FER1L5: variants seen among roughly 807,000 people sequenced by gnomAD.
FER1L5 encodes fer-1-like protein 5.
A neutral mutation model predicts 279.9 loss-of-function variants in FER1L5; 187 were observed. The ratio of observed to expected loss-of-function variants is 0.67; its 90% CI spans 0.59 to 0.75. The LOEUF (loss-of-function observed/expected upper bound fraction) is 0.75, where lower values mean the gene tolerates loss of function less well. Among genes scored for constraint, FER1L5 ranks in the 30% least tolerant of loss-of-function variants. FER1L5 has a pLI of 0.00. For missense variants in FER1L5, 2,091 were observed against 2,594.4 expected (o/e 0.81, Z 4.21); for synonymous variants, 921 against 989.7 (o/e 0.93, Z 1.30).
intron 21 of FER1L5, 108 bp from the exon 22 acceptor site, chr2:96,685,832 G>A (rs2076902752): frequency 1.5e-6 from 2 of 1,340,758 alleles, no homozygotes; most frequent in Admixed American, 2.9e-5. Flanking sequence ...GCAGATGGGG[G>A]CAGGATCTTG....
At chr2:96,661,905 G>A (rs2075968086) in intron 12 of FER1L5, 114 bp downstream of exon 12, 2 of 1,414,488 alleles carry the variant, frequency 1.4e-6, no homozygotes, top group African/African-American at 1.4e-5. Flanking sequence ...GTTTGGGGTA[G>A]GGGGGACAGG....
Position 96,702,161 on chromosome 2 carries a change from G to C in FER1L5, c.5159+118G>C, listed in dbSNP as rs1437204212. ...AATTCGTTTCTCTATTGGGAAGAGA[G>C]GAAGCTCTACTGGGAGCTTTCTTCC... On this transcript the variant is annotated intron_variant, in intron 46 of 52. Transcript: ENST00000624922. This position sits in a 1 kb window ranked among gnomAD's most constrained non-coding sequence, Gnocchi z 4.0. 6 of 1,568,902 alleles carry C rather than the reference G, an allele frequency of 3.8e-6. No homozygotes were observed. The highest frequency in any genetic ancestry group is 1.4e-5 in the African/African-American group (1 of 73,268).
intron 9 of FER1L5, among the ~76,000 whole-genome samples, chr2:96,658,037 G>A (rs2075667795): frequency 6.7e-6 from 1 of 149,540 alleles, no homozygotes; most frequent in African/African-American, 2.5e-5. Flanking sequence ...TTTTTTTTGA[G>A]ATGGAGTCTT....
Position 96,686,235 on chromosome 2 carries a change from C to T in FER1L5, c.2114C>T (p.Ala705Val), listed in dbSNP as rs1194368535. 1 of 1,551,414 alleles carries T rather than the reference C, an allele frequency of 6.4e-7. No homozygotes were observed. Among genetic ancestry groups the T allele is most frequent in the Admixed American group, 2.0e-5 (1 of 51,010 alleles). The change falls in exon 23 of 53, where the codon GCC (alanine) becomes GTC (valine). Residue 705 changes from alanine (A) to valine (V), a missense_variant. Ala to Val is a moderately conservative substitution (Grantham distance 64). Coordinates refer to ENST00000624922, the MANE Select transcript of FER1L5 (RefSeq NM_001293083.2). ...GLPDVMIWLV[A>V]KEQRVAYAQV... ...CCTGACGTGATGATTTGGCTGGTGG[C>T]CAAGGAGCAGCGAGTGGCCTATGCA...
Position 96,654,449 on chromosome 2 carries a change from G to C in FER1L5, c.700G>C (p.Val234Leu). 1 of 399,070 alleles carries C rather than the reference G, an allele frequency of 2.5e-6. No individual in the cohort carries two copies. Among genetic ancestry groups the C allele is most frequent in the Non-Finnish European group, 4.4e-6 (1 of 226,086 alleles). 24.7% of individuals were successfully genotyped at this position (399,070 alleles called of 1,614,324 possible). A position where few individuals can be genotyped will look rare whatever the true frequency, so the allele number is the denominator to read the frequency against. ...ATTTCTGGGAACTCCCTTGCAGGTGGTGAACTCCTCAGCAATGAGATACAA... is the reference window on the plus strand; with the variant it reads ...ATTTCTGGGAACTCCCTTGCAGGTGCTGAACTCCTCAGCAATGAGATACAA... ...FFDETILIQV[V>L]NSSAMRYKAE... is the part of the protein sequence containing the mutation. Residue 234 changes from valine to leucine, a missense_variant, in exon 9 of 53, where the codon GTG becomes CTG. Coordinates refer to ENST00000624922, the MANE Select transcript of FER1L5 (RefSeq NM_001293083.2).
At position 96,695,326 on chromosome 2, in the gene FER1L5, C is replaced by G; in HGVS notation, c.3742-183C>G. The G allele has an allele frequency of 5.2e-6, 4 of 768,606 alleles. No homozygotes were observed. The South Asian group carries it at 8.6e-5, about 17-fold the overall frequency. The allele number at this position is 768,606 out of a possible 1,614,324, so 47.6% of individuals were successfully genotyped here. A position where few individuals can be genotyped will look rare whatever the true frequency, so the allele number is the denominator to read the frequency against. On this transcript the variant is annotated intron_variant, in intron 34 of 52. Transcript: ENST00000624922. ...CCAGCCCCGAGGGCAAGCACTGATC[C>G]CTCACAGGACGGGGAAGCCTGTCCT... is the stretch of plus-strand genomic sequence containing the variant.
At chr2:96,646,993 T>G in intron 2 of FER1L5, 71 bp from the exon 3 acceptor site, 1 of 1,472,494 alleles carries the variant, frequency 6.8e-7, no homozygotes, top group East Asian at 2.5e-5. Flanking sequence ...CCCCACGTCT[T>G]TCCTCATTTC....
Position 96,692,235 on chromosome 2 carries a change from G to GC in FER1L5, c.3292+55dup, listed in dbSNP as rs1251136241. 2.6e-6 allele frequency: 4 copies of GC among 1,537,754 alleles called. No homozygotes were observed. In the Admixed American group the frequency reaches 5.9e-5, roughly 23 times the overall value. Reference sequence around the variant, plus strand: ...TGAGGACAAGGCCTCAGGGAGGAGAGCAGGGTTGTGTTCCTGCAGCAGCCA... The same window carrying GC: ...TGAGGACAAGGCCTCAGGGAGGAGAGCCAGGGTTGTGTTCCTGCAGCAGCCA... On this transcript the variant is annotated intron_variant, in intron 31 of 52. Transcript: ENST00000624922.
At chr2:96,659,481 C>CTTTCTTTCTT (rs2075849852) in intron 9 of FER1L5, among the ~76,000 whole-genome samples, 3 of 31,376 alleles carry the variant, frequency 9.6e-5, no homozygotes, top group Admixed American at 5.3e-4. Flanking sequence ...TTCTTTCTTT[C>CTTTCTTTCTT]TTTCTTTCTT....
At position 96,693,897 on chromosome 2, in the gene FER1L5, C is replaced by T; in HGVS notation, c.3475-14C>T. On this transcript the variant is annotated splice_polypyrimidine_tract_variant and intron_variant, in intron 32 of 52. Transcript: ENST00000624922. ...CAGCATGGCCTCCATGCTTTGTGAACTTCCCCCCTCCAGGGCAAGGAGAGC... is the reference window on the plus strand; with the variant it reads ...CAGCATGGCCTCCATGCTTTGTGAATTTCCCCCCTCCAGGGCAAGGAGAGC... The T allele has an allele frequency of 6.5e-7, 1 of 1,536,802 alleles. No homozygotes were observed. The highest frequency in any genetic ancestry group is 8.8e-7 in the Non-Finnish European group (1 of 1,139,906).
At chr2:96,687,511 C>T (rs551962137) in intron 23 of FER1L5, among the ~76,000 whole-genome samples, 5 of 152,354 alleles carry the variant, frequency 3.3e-5, no homozygotes, top group African/African-American at 1.2e-4. Flanking sequence ...GGGCAACTGG[C>T]ACAGTGCCAG....
chr2:96,655,733 G>A (rs1239330810), intron 9 of FER1L5, among the ~76,000 whole-genome samples: 2 of 151,862 alleles, frequency 1.3e-5, no homozygotes, highest in Non-Finnish European at 2.9e-5. Context: ...TTTTTGAGAC[G>A]TGATCTTGCT....
chr2:96,685,223 C>G, intron 20 of FER1L5, 106 bp from the exon 21 acceptor site: 3 of 968,782 alleles, frequency 3.1e-6, no homozygotes, highest in Non-Finnish European at 4.7e-6. Context: ...CCTCAAAGTT[C>G]CCAAGGTCGT....
chr2:96,643,360 T>G (rs1298221507), intron 1 of FER1L5, among the ~76,000 whole-genome samples: 1 of 151,984 alleles, frequency 6.6e-6, no homozygotes, highest in Non-Finnish European at 1.5e-5. Flanking sequence ...TTATTTTTTA[T>G]TTTTTTTGAG....
chr2:96,661,725 G>C lies in FER1L5; in HGVS notation c.952G>C (p.Ala318Pro), dbSNP rs749485474. 14 of 1,551,606 alleles carry C rather than the reference G, an allele frequency of 9.0e-6. No individual in the cohort carries two copies. The highest frequency in any genetic ancestry group is 1.1e-5 in the Non-Finnish European group (13 of 1,147,004). Residue 318 changes from alanine to proline, a missense_variant, in exon 12 of 53, where the codon GCG (alanine) becomes CCG (proline). Transcript: ENST00000624922. ...DDTDIQIFKS[A>P]VVPINMAYLQ... ...CACCGATATTCAGATCTTCAAGTCA[G>C]CGGTAGTCCCGATCAACATGGCTTA... is the stretch of plus-strand genomic sequence containing the variant.
At chr2:96,650,557 C>A (rs1048825612) in intron 6 of FER1L5, among the ~76,000 whole-genome samples, 4 of 152,162 alleles carry the variant, frequency 2.6e-5, no homozygotes, top group Admixed American at 2.0e-4. Context: ...GGGGAAGCAG[C>A]GCAGATGAGA....
intron 19 of FER1L5, among the ~76,000 whole-genome samples, chr2:96,676,592 A>G (rs1054359989): frequency 2.7e-5 from 4 of 150,534 alleles, no homozygotes; most frequent in Non-Finnish European, 4.4e-5. Context: ...AAAAAAGGCC[A>G]CTGGAATTTC....
At chr2:96,645,799 C>CAA (rs2075095456) in intron 1 of FER1L5, among the ~76,000 whole-genome samples, 1 of 150,752 alleles carries the variant, frequency 6.6e-6, no homozygotes, top group African/African-American at 2.4e-5. Flanking sequence ...CACACACACA[C>CAA]AAAAGAAAAG....
At chr2:96,686,855 C>CAAAAAAAAAAAAAA (rs58724485) in intron 23 of FER1L5, among the ~76,000 whole-genome samples, 1 of 41,160 alleles carries the variant, frequency 2.4e-5, no homozygotes, top group Non-Finnish European at 5.3e-5. Flanking sequence ...GACTCCGTCT[C>CAAAAAAAAAAAAAA]AAAAAAAAAA....
Sources: allele counts gnomAD v4.1 joint callset (sites outside exome capture counted in the v4.1 genomes callset), GRCh38; gene constraint gnomAD v4.1.1; non-coding constraint Gnocchi (gnomAD v3.1); transcripts MANE v1.5; gene names NCBI Gene and HGNC (gene_info 2026-07-23, HGNC 2026-07-21).